Variants in GAS7 observed in about 807,000 individuals in gnomAD.
GAS7 encodes the protein growth arrest-specific protein 7.
GAS7 carries 28 observed loss-of-function variants against 71.1 expected under a neutral mutation model. The observed-to-expected ratio is 0.39, with a 90% CI of 0.29 to 0.54. The LOEUF is 0.54. Among genes scored for constraint, GAS7 ranks in the 20% least tolerant of loss-of-function variants. The probability of loss-of-function intolerance (pLI) is 0.62; values close to 1 mark genes in which losing one functional copy is unlikely to be tolerated. For missense variants in GAS7, 436 were observed against 627.8 expected (o/e 0.69, Z 3.27); for synonymous variants, 258 against 245.8 (o/e 1.05, Z -0.46).
chr17:10,017,352 C>T (rs1374429361), intron 2 of GAS7, among the ~76,000 whole-genome samples: 2 of 149,210 alleles, frequency 1.3e-5, no homozygotes, highest in East Asian at 2.0e-4. Context: ...TTGAGACAGA[C>T]GGAGTCTTGC....
chr17:10,187,479 T>C (rs1012117022), intron 1 of GAS7, among the ~76,000 whole-genome samples: 4 of 152,234 alleles, frequency 2.6e-5, no homozygotes, highest in African/African-American at 9.6e-5. Flanking sequence ...TTTTTAGCCC[T>C]GAACGGCATT....
chr17:10,050,918 T>A (rs941527697), intron 1 of GAS7, among the ~76,000 whole-genome samples: 1 of 152,156 alleles, frequency 6.6e-6, no homozygotes, highest in Middle Eastern at 3.2e-3. Context: ...AAAGAAGGTA[T>A]GTCTTGTTGC....
At chr17:10,106,702 T>A (rs1203151062) in intron 1 of GAS7, among the ~76,000 whole-genome samples, 1 of 152,158 alleles carries the variant, frequency 6.6e-6, no homozygotes, top group Non-Finnish European at 1.5e-5. Context: ...AGTGACCGAC[T>A]TGGCGAATAA....
rs2070581047 is a variant in GAS7, at chr17:9,984,915, T to G, written c.305-3031A>C. On this transcript the variant is annotated intron_variant, in intron 2 of 13. Coordinates refer to ENST00000432992, the MANE Select transcript of GAS7 (RefSeq NM_201433.2). ...TCAGGCTCCTTCCTAGGCAGGCTTC[T>G]CTTCTCTCCTGCCCGTTGAATCAGC... is the stretch of plus-strand genomic sequence containing the variant. 2.0e-5 allele frequency among the ~76,000 whole-genome samples: 3 copies of G among 152,292 alleles called. No homozygotes were observed. In the South Asian group the frequency reaches 6.2e-4, roughly 32 times the overall value.
At chr17:10,087,547 C>T (rs1011385385) in intron 1 of GAS7, among the ~76,000 whole-genome samples, 4 of 152,184 alleles carry the variant, frequency 2.6e-5, no homozygotes, top group African/African-American at 9.7e-5. Flanking sequence ...AGGAAGGAGG[C>T]AGGGGAGGCT....
rs561097037 is a variant in GAS7, at chr17:10,019,693, C to A, written c.304+84G>T. 2.4e-5 allele frequency: 32 copies of A among 1,359,580 alleles called. No homozygotes were observed. In the Admixed American group the frequency reaches 6.8e-4, roughly 29 times the overall value. 84.2% of individuals were successfully genotyped at this position (1,359,580 alleles called of 1,614,324 possible). A position where few individuals can be genotyped will look rare whatever the true frequency, so the allele number is the denominator to read the frequency against. On this transcript the variant is annotated intron_variant, in intron 2 of 13. Transcript: ENST00000432992. ...AAGAAAAAACCCCCAAACAGAGAGG[C>A]GAAGAAGGGAGAAAAAACGTGCCCC...
intron 3 of GAS7, among the ~76,000 whole-genome samples, chr17:9,973,256 C>CAT (rs1236440095): frequency 1.4e-5 from 2 of 142,622 alleles, no homozygotes; most frequent in African/African-American, 5.2e-5. Context: ...ATAGTAGAAA[C>CAT]TTTTTTTTTT....
intron 5 of GAS7, among the ~76,000 whole-genome samples, chr17:9,952,568 T>A (rs1168537548): frequency 1.3e-5 from 2 of 152,086 alleles, no homozygotes; most frequent in Admixed American, 6.5e-5. Flanking sequence ...ATTTTTGTAT[T>A]TTTAGTAGAG....
intron 1 of GAS7, among the ~76,000 whole-genome samples, chr17:10,087,189 C>T (rs1028818694): frequency 6.6e-6 from 1 of 152,062 alleles, no homozygotes; most frequent in Non-Finnish European, 1.5e-5. Flanking sequence ...AGCCTGAGCT[C>T]GCCGGGAGAG....
chr17:10,043,084 C>T (rs2072896367), intron 1 of GAS7, among the ~76,000 whole-genome samples: 2 of 152,136 alleles, frequency 1.3e-5, no homozygotes, highest in South Asian at 2.1e-4. Flanking sequence ...AAGGAGTTCA[C>T]AGAGAAAGAA....
Position 9,959,775 on chromosome 17 carries a change from C to T in GAS7, c.472-520G>A, listed in dbSNP as rs1486029006. Among the ~76,000 whole-genome samples, 2 of 152,180 alleles carry T rather than the reference C, an allele frequency of 1.3e-5. No individual in the cohort carries two copies. Among genetic ancestry groups the T allele is most frequent in the African/African-American group, 2.4e-5 (1 of 41,422 alleles). ...CCTCCCTGACTCCCCGCTCCCCCAA[C>T]CCCGTGAGCCAGGAGGGATTTCTCA... is the stretch of plus-strand genomic sequence containing the variant. On this transcript the variant is annotated intron_variant, in intron 4 of 13. Coordinates refer to ENST00000432992, the MANE Select transcript of GAS7 (RefSeq NM_201433.2). This position sits in a 1 kb window ranked among gnomAD's most constrained non-coding sequence, Gnocchi z 5.0.
chr17:10,039,664 C>T, intron 1 of GAS7: 1 of 443,286 alleles, frequency 2.3e-6, no homozygotes, highest in South Asian at 1.6e-5. Flanking sequence ...ACCTGGACGT[C>T]AGAGTGAGAC....
intron 1 of GAS7, among the ~76,000 whole-genome samples, chr17:10,094,661 G>C (rs527679388): frequency 6.3e-4 from 96 of 151,936 alleles, no homozygotes; most frequent in African/African-American, 2.3e-3. Flanking sequence ...GTAGAGACAG[G>C]GTTTCACCGT....
intron 9 of GAS7, among the ~76,000 whole-genome samples, chr17:9,929,624 G>A (rs1304717678): frequency 2.6e-5 from 4 of 151,970 alleles, no homozygotes; most frequent in African/African-American, 7.3e-5. Context: ...ACAGGCACCC[G>A]CCACCAAACC....
At chr17:10,037,175 A>G (rs1164819240) in intron 1 of GAS7, among the ~76,000 whole-genome samples, 1 of 152,206 alleles carries the variant, frequency 6.6e-6, no homozygotes, top group Non-Finnish European at 1.5e-5. Flanking sequence ...ATAACGAACA[A>G]AGACAGGCTC....
At chr17:10,036,859 TC>T in intron 1 of GAS7, 1 of 408,012 alleles carries the variant, frequency 2.5e-6, no homozygotes, top group Non-Finnish European at 3.6e-6. Context: ...AGCAGATGCC[TC>T]CCACCCCCAG....
chr17:9,930,884 G>A (rs927215325), intron 9 of GAS7, among the ~76,000 whole-genome samples: 1 of 152,228 alleles, frequency 6.6e-6, no homozygotes, highest in Non-Finnish European at 1.5e-5. Flanking sequence ...GCTGGAAGCA[G>A]CCGAGAGCCT....
rs145139493 is a variant in GAS7, at chr17:9,931,911, C to CG, written c.885+2254dup. Among the ~76,000 whole-genome samples, 203 of 152,206 alleles carry CG rather than the reference C, an allele frequency of 1.3e-3. 1 individual carries two copies. The highest frequency in any genetic ancestry group is 4.6e-3 in the African/African-American group (189 of 41,534). On this transcript the variant is annotated intron_variant, in intron 9 of 13. Transcript: ENST00000432992. ...GCCTTCTGTGTGCCGAGTACCACCA[C>CG]GGGGTACATCGTATGGGATCCCAAA...
At chr17:10,061,468 G>A (rs746984982) in intron 1 of GAS7, 1 of 152,200 alleles carries the variant, frequency 6.6e-6, no homozygotes, top group Non-Finnish European at 1.5e-5. Context: ...CCCACAAACA[G>A]CGCCAGGGGC....
Sources: allele counts gnomAD v4.1 joint callset (sites outside exome capture counted in the v4.1 genomes callset), GRCh38; gene constraint gnomAD v4.1.1; non-coding constraint Gnocchi (gnomAD v3.1); transcripts MANE v1.5; gene names NCBI Gene and HGNC (gene_info 2026-07-23, HGNC 2026-07-21).